Variants in NCOA2 observed in about 807,000 individuals in gnomAD.
NCOA2 encodes nuclear receptor coactivator 2, also known as class E basic helix-loop-helix protein 75.
Under a neutral mutation model 145.1 loss-of-function variants are expected in NCOA2, and 21 were observed. The ratio of observed to expected loss-of-function variants is 0.14; its 90% CI spans 0.10 to 0.21. The LOEUF is 0.21. Among genes scored for constraint, NCOA2 ranks in the 10% least tolerant of loss-of-function variants. NCOA2 has a pLI of 1.00. For missense variants in NCOA2, 1,472 were observed against 1,837.6 expected (o/e 0.80, Z 3.64); for synonymous variants, 619 against 637.5 (o/e 0.97, Z 0.44).
chr8:70,403,847 C>CCCTCCTCCG (rs1554645728), upstream of NCOA2: 1 of 363,152 alleles, frequency 2.8e-6, no homozygotes, highest in Non-Finnish European at 4.9e-6. Context: ...TCCCCCAACT[C>CCCTCCTCCG]CCTCCTCCTC....
At chr8:70,230,068 T>C (rs920528937) in intron 2 of NCOA2, among the ~76,000 whole-genome samples, 1 of 152,186 alleles carries the variant, frequency 6.6e-6, no homozygotes, top group Non-Finnish European at 1.5e-5. Context: ...GGAATAGCTC[T>C]TGTCAATTTA....
chr8:70,241,772 AAACAGG>A (rs1320101614), intron 2 of NCOA2, among the ~76,000 whole-genome samples: 3 of 152,158 alleles, frequency 2.0e-5, no homozygotes, highest in Admixed American at 1.3e-4. Flanking sequence ...CCCAACTGTG[AAACAGG>A]AATTGAATTA....
the NCOA2 span, among the ~76,000 whole-genome samples, chr8:70,447,691 T>C: frequency 6.8e-6 from 1 of 146,850 alleles, no homozygotes; most frequent in East Asian, 2.0e-4. Flanking sequence ...TCTTTTTTTT[T>C]TTTTTTTTTC....
At chr8:70,186,987 AC>A (rs1320495151) in intron 4 of NCOA2, among the ~76,000 whole-genome samples, 5 of 152,340 alleles carry the variant, frequency 3.3e-5, no homozygotes, top group African/African-American at 9.6e-5. Context: ...CCCTTTAAAT[AC>A]CTTACAGCAT....
intron 1 of NCOA2, among the ~76,000 whole-genome samples, chr8:70,316,911 T>C (rs185014443): frequency 9.8e-4 from 149 of 152,186 alleles, no homozygotes; most frequent in African/African-American, 3.0e-3. Flanking sequence ...AGGAGAGGTG[T>C]TGCCCACCTC....
At chr8:70,121,064 G>C (rs1218761902) in intron 22 of NCOA2, among the ~76,000 whole-genome samples, 1 of 151,986 alleles carries the variant, frequency 6.6e-6, no homozygotes, top group Non-Finnish European at 1.5e-5. Flanking sequence ...AGAAAAAAAA[G>C]ATAAATAAAT....
upstream of NCOA2, among the ~76,000 whole-genome samples, chr8:70,407,477 T>A (rs1239875186): frequency 6.6e-6 from 1 of 152,138 alleles, no homozygotes; most frequent in East Asian, 1.9e-4. Flanking sequence ...TCTTCATCAC[T>A]TGTATTTCTA....
chr8:70,230,046 C>A (rs541530671), intron 2 of NCOA2, among the ~76,000 whole-genome samples: 1 of 152,162 alleles, frequency 6.6e-6, no homozygotes, highest in African/African-American at 2.4e-5. Flanking sequence ...AAAACCTTAA[C>A]CCCCAGAATA....
intron 2 of NCOA2, among the ~76,000 whole-genome samples, chr8:70,275,838 CATAGAT>C (rs1253512315): frequency 6.6e-6 from 1 of 152,090 alleles, no homozygotes; most frequent in Non-Finnish European, 1.5e-5. Flanking sequence ...AATCTTGTGT[CATAGAT>C]ATATAGATAG....
chr8:70,332,577 GC>G (rs1169040859), intron 1 of NCOA2, among the ~76,000 whole-genome samples: 1 of 152,126 alleles, frequency 6.6e-6, no homozygotes, highest in Non-Finnish European at 1.5e-5. Flanking sequence ...GGTGGGGGTG[GC>G]AAGTGGAGCC....
At chr8:70,239,805 CA>C (rs756867872) in intron 2 of NCOA2, among the ~76,000 whole-genome samples, 19 of 152,212 alleles carry the variant, frequency 1.2e-4, no homozygotes, top group Admixed American at 5.2e-4. Flanking sequence ...GAAGAAACCA[CA>C]AGATAATAAA....
chr8:70,320,733 T>C (rs1355944649), intron 1 of NCOA2, among the ~76,000 whole-genome samples: 1 of 151,844 alleles, frequency 6.6e-6, no homozygotes, highest in East Asian at 1.9e-4. Flanking sequence ...GATACTCTGT[T>C]AAAAAAAAGG....
Position 70,156,069 on chromosome 8 carries a change from G to A in NCOA2, c.2296C>T (p.Leu766Phe). 1.2e-6 allele frequency: 2 copies of A among 1,613,904 alleles called. No individual in the cohort carries two copies. The highest frequency in any genetic ancestry group is 1.7e-6 in the Non-Finnish European group (2 of 1,179,850). ...TCTGTCTTACTGTCCAGTCTCTCAA[G>A]TTTGGGGGTTATTTCTGGTAAACCA... ...DIGLPEITPK[L>F]ERLDSKTDPA... The change falls in exon 11 of 23, where the codon CTT becomes TTT. Residue 766 changes from leucine to phenylalanine, a missense_variant. By Grantham distance (22) the Leu-to-Phe change is conservative. Transcript: ENST00000452400.
chr8:70,121,260 T>C (rs1436190990), intron 22 of NCOA2, 42 bp downstream of exon 22: 1 of 1,519,518 alleles, frequency 6.6e-7, no homozygotes, highest in Non-Finnish European at 9.1e-7. Flanking sequence ...TATTCATGTT[T>C]GCTTTACTTC....
At chr8:70,171,225 T>C (rs556070727) in intron 5 of NCOA2, among the ~76,000 whole-genome samples, 1 of 152,332 alleles carries the variant, frequency 6.6e-6, no homozygotes, top group South Asian at 2.1e-4. Context: ...ATAATAACAG[T>C]GGCTGTGGAG....
At chr8:70,223,224 G>A (rs1820318954) in intron 2 of NCOA2, among the ~76,000 whole-genome samples, 1 of 152,166 alleles carries the variant, frequency 6.6e-6, no homozygotes, top group Non-Finnish European at 1.5e-5. Flanking sequence ...TTGTGTTTGA[G>A]TTTCATAACT....
chr8:70,359,087 A>G (rs1012471959), intron 1 of NCOA2, among the ~76,000 whole-genome samples: 3 of 152,226 alleles, frequency 2.0e-5, no homozygotes, highest in African/African-American at 4.8e-5. Flanking sequence ...GCTAATAACA[A>G]GTGTTGGTGA....
In NCOA2 at chr8:70,159,255, T is replaced by TC. The variant is rs1554578555; in HGVS notation, c.1124+249dup. Among the ~76,000 whole-genome samples, 26 of 137,588 alleles carry TC rather than the reference T, an allele frequency of 1.9e-4. 1 individual carries two copies. Among genetic ancestry groups the TC allele is most frequent in the African/African-American group, 6.5e-4 (24 of 36,944 alleles). The allele number at this position is 137,588 out of a possible 152,430, so 90.3% of individuals were successfully genotyped here. ...ATATATATATATATTTTTTTTTTTTTCCCCCAAATATTTTCCATCTGTGGT... is the reference window on the plus strand; with the variant it reads ...ATATATATATATATTTTTTTTTTTTTCCCCCCAAATATTTTCCATCTGTGGT... On this transcript the variant is annotated intron_variant, in intron 10 of 22. Transcript: ENST00000452400.
intron 1 of NCOA2, among the ~76,000 whole-genome samples, chr8:70,297,292 A>G (rs775458015): frequency 1.3e-5 from 2 of 152,224 alleles, no homozygotes; most frequent in African/African-American, 2.4e-5. Context: ...TGGAACCAAA[A>G]GGCCTGAATG....
Sources: gnomAD v4.1 joint callset for allele counts (sites outside exome capture counted in the v4.1 genomes callset) on GRCh38, gnomAD v4.1.1 for gene constraint, MANE v1.5 for transcripts, NCBI Gene and HGNC (gene_info 2026-07-23, HGNC 2026-07-21) for gene names.